The following DRD3 variants were observed in gnomAD, a reference collection of about 807,000 sequenced individuals.
DRD3 encodes dopamine receptor D3.
A neutral mutation model predicts 36.3 loss-of-function variants in DRD3; 19 were observed. That is an observed-to-expected ratio of 0.52 (90% confidence interval 0.36 to 0.77). The LOEUF is 0.77. Among genes scored for constraint, DRD3 ranks in the 30% least tolerant of loss-of-function variants. The probability of loss-of-function intolerance (pLI) is 0.00; values close to 1 mark genes in which losing one functional copy is unlikely to be tolerated. For synonymous variants in DRD3, 195 were observed against 203.7 expected (o/e 0.96, Z 0.36); for missense variants, 465 against 505.3 (o/e 0.92, Z 0.77).
chr3:114,156,871 TTTTC>T (rs1342099605), intron 3 of DRD3, among the ~76,000 whole-genome samples: 1 of 5,970 alleles, frequency 1.7e-4, no homozygotes, highest in African/African-American at 2.6e-4. Flanking sequence ...CTTTCTTTCT[TTTTC>T]TTTCTCTTTC....
At chr3:114,191,446 G>C (rs2078010332) in intron 1 of DRD3, among the ~76,000 whole-genome samples, 1 of 152,196 alleles carries the variant, frequency 6.6e-6, no homozygotes, top group Admixed American at 6.5e-5. Context: ...AGTGTTGCTG[G>C]GTGTAGTGGA....
In DRD3 at chr3:114,139,939, G is replaced by A. The variant is rs115148140; in HGVS notation, c.527-243C>T. 2.2e-3 allele frequency among the ~76,000 whole-genome samples: 341 copies of A among 152,292 alleles called. 1 individual carries two copies. Among genetic ancestry groups the A allele is most frequent in the African/African-American group, 7.8e-3 (326 of 41,548 alleles). Reference sequence around the variant, plus strand: ...CAACAATCATACGCCAGACACTGGGGCTACAAAGATGAATGAGACACCATG... The same window carrying A: ...CAACAATCATACGCCAGACACTGGGACTACAAAGATGAATGAGACACCATG... On this transcript the variant is annotated intron_variant, in intron 4 of 6. Transcript: ENST00000383673.
intron 1 of DRD3, among the ~76,000 whole-genome samples, chr3:114,192,079 G>T (rs961147195): frequency 6.6e-6 from 1 of 152,214 alleles, no homozygotes; most frequent in Non-Finnish European, 1.5e-5. Flanking sequence ...CTGATTGGAG[G>T]CTGGTGGCAT....
intron 3 of DRD3, among the ~76,000 whole-genome samples, chr3:114,148,857 C>T (rs537087102): frequency 9.5e-4 from 144 of 152,212 alleles, no homozygotes; most frequent in African/African-American, 3.1e-3. Context: ...GGACTACAGG[C>T]GCCTGCCAAC....
At chr3:114,155,510 A>G (rs1237360978) in intron 3 of DRD3, among the ~76,000 whole-genome samples, 2 of 152,204 alleles carry the variant, frequency 1.3e-5, no homozygotes, top group Admixed American at 1.3e-4. Context: ...GGTAAAAACT[A>G]GAGGTGTGTT....
At chr3:114,198,232 T>C (rs551248848) in intron 1 of DRD3, among the ~76,000 whole-genome samples, 61 of 152,094 alleles carry the variant, frequency 4.0e-4, no homozygotes, top group African/African-American at 1.3e-3. Flanking sequence ...TCTGTGTTTT[T>C]TTTTTTCCTT....
chr3:114,177,283 T>C (rs1312773886), intron 1 of DRD3, among the ~76,000 whole-genome samples: 3 of 152,186 alleles, frequency 2.0e-5, no homozygotes, highest in Admixed American at 6.5e-5. Flanking sequence ...CCTATTTTCC[T>C]GAAAAAGATT....
chr3:114,139,322 T>A (rs2077502283), intron 5 of DRD3, among the ~76,000 whole-genome samples, 178 bp downstream of exon 5: 1 of 152,194 alleles, frequency 6.6e-6, no homozygotes, highest in Non-Finnish European at 1.5e-5. Context: ...ACTATCAATG[T>A]TTTCTTGAGA....
At chr3:114,166,041 A>G (rs963337032) in intron 2 of DRD3, among the ~76,000 whole-genome samples, 3 of 145,762 alleles carry the variant, frequency 2.1e-5, no homozygotes, top group Non-Finnish European at 4.5e-5. Context: ...GCTGGAGTGC[A>G]GTGGCACAAT....
chr3:114,153,598 G>T (rs2107855587), intron 3 of DRD3, among the ~76,000 whole-genome samples: 1 of 152,326 alleles, frequency 6.6e-6, no homozygotes, highest in South Asian at 2.1e-4. Flanking sequence ...GCTCTGACAG[G>T]TTAATTGACT....
intron 2 of DRD3, among the ~76,000 whole-genome samples, chr3:114,171,098 T>C (rs886896037): frequency 1.3e-5 from 2 of 152,198 alleles, no homozygotes; most frequent in Admixed American, 1.3e-4. Flanking sequence ...ACTATCTCTC[T>C]GGCAAAGGCT....
chr3:114,193,152 G>A (rs558906070), intron 1 of DRD3, among the ~76,000 whole-genome samples: 77 of 152,178 alleles, frequency 5.1e-4, no homozygotes, highest in African/African-American at 1.4e-3. Context: ...GGTGGCGGGC[G>A]CCTGTAGTCC....
intron 5 of DRD3, among the ~76,000 whole-genome samples, chr3:114,132,482 G>A (rs752281754): frequency 2.0e-5 from 3 of 151,768 alleles, no homozygotes; most frequent in Admixed American, 1.3e-4. Flanking sequence ...TAGATGATAG[G>A]TTGATAGATT....
intron 3 of DRD3, among the ~76,000 whole-genome samples, chr3:114,152,863 C>G (rs948295661): frequency 8.5e-5 from 13 of 152,238 alleles, no homozygotes; most frequent in Admixed American, 8.5e-4. Context: ...TGGGCTTGGC[C>G]GGGAGAGAGA....
chr3:114,151,262 C>A (rs1331357434), intron 3 of DRD3, among the ~76,000 whole-genome samples: 1 of 152,144 alleles, frequency 6.6e-6, no homozygotes, highest in African/African-American at 2.4e-5. Context: ...GGGGCTGAGC[C>A]TTGAGTCCTG....
At chr3:114,168,700 G>A (rs1251671794) in intron 2 of DRD3, among the ~76,000 whole-genome samples, 2 of 152,168 alleles carry the variant, frequency 1.3e-5, no homozygotes, top group Non-Finnish European at 2.9e-5. Flanking sequence ...GAAAAGTCTG[G>A]TCTGTGATGA....
At chr3:114,151,424 T>A (rs536568434) in intron 3 of DRD3, among the ~76,000 whole-genome samples, 11 of 152,292 alleles carry the variant, frequency 7.2e-5, no homozygotes, top group African/African-American at 2.6e-4. Context: ...GGCTCTGTAG[T>A]TTACAAAAAG....
intron 1 of DRD3, among the ~76,000 whole-genome samples, chr3:114,195,445 A>C (rs1315482297): frequency 6.6e-6 from 1 of 152,194 alleles, no homozygotes; most frequent in Non-Finnish European, 1.5e-5. Context: ...GAAAATGTTA[A>C]ATGTCTGAAA....
At chr3:114,158,565 C>T (rs1365788440) in intron 3 of DRD3, among the ~76,000 whole-genome samples, 1 of 152,212 alleles carries the variant, frequency 6.6e-6, no homozygotes, top group African/African-American at 2.4e-5. Context: ...CACCTGTGAC[C>T]TTCCCTGCTG....
Sources: allele counts gnomAD v4.1 joint callset (sites outside exome capture counted in the v4.1 genomes callset), GRCh38; gene constraint gnomAD v4.1.1; transcripts MANE v1.5; gene names NCBI Gene and HGNC (gene_info 2026-07-23, HGNC 2026-07-21).